The following VTI1A variants were observed in gnomAD, a reference collection of about 807,000 sequenced individuals.
VTI1A encodes vesicle transport through interaction with t-SNAREs homolog 1A.
VTI1A carries 22 observed loss-of-function variants against 34.9 expected under a neutral mutation model. The observed-to-expected ratio is 0.63, with a 90% CI of 0.45 to 0.90. VTI1A has a LOEUF of 0.90. Ranked by LOEUF, VTI1A falls within the 40% of genes least tolerant of loss-of-function variation. The pLI is 0.00. For synonymous variants in VTI1A, 87 were observed against 97.3 expected (o/e 0.89, Z 0.62); for missense variants, 268 against 275.6 (o/e 0.97, Z 0.20).
intron 7 of VTI1A, among the ~76,000 whole-genome samples, chr10:112,697,893 T>C (rs1848853659): frequency 6.6e-6 from 1 of 151,846 alleles, no homozygotes; most frequent in Non-Finnish European, 1.5e-5. Flanking sequence ...TGTGTGTGTG[T>C]GTGTGTGTGT....
chr10:112,464,198 A>G (rs1163238116), intron 2 of VTI1A, among the ~76,000 whole-genome samples: 3 of 152,144 alleles, frequency 2.0e-5, no homozygotes, highest in Non-Finnish European at 4.4e-5. Flanking sequence ...GGGTTTCGCC[A>G]TGTTGCCCAA....
Position 112,700,151 on chromosome 10 carries a change from A to G in VTI1A, c.560+31153A>G, listed in dbSNP as rs1423622520. ...AAAAAAAAAACAAAACAAAAAAAAA[A>G]AAACACTCGGAGGTAAAACATTATC... On this transcript the variant is annotated intron_variant, in intron 7 of 7. Transcript: ENST00000393077. 2.0e-5 allele frequency among the ~76,000 whole-genome samples: 3 copies of G among 150,516 alleles called. No individual in the cohort carries two copies. The East Asian group carries it at 5.8e-4, about 29-fold the overall frequency.
intron 5 of VTI1A, among the ~76,000 whole-genome samples, chr10:112,654,619 A>AG (rs1340294654): frequency 1.3e-5 from 2 of 151,978 alleles, no homozygotes; most frequent in Non-Finnish European, 2.9e-5. Context: ...CAGCCTCCCG[A>AG]GTAGCTGGGA....
intron 7 of VTI1A, among the ~76,000 whole-genome samples, chr10:112,757,081 A>G (rs1014982521): frequency 2.6e-5 from 4 of 151,546 alleles, no homozygotes; most frequent in African/African-American, 9.7e-5. Context: ...TTATGCATTC[A>G]TTCAACAAAT....
At chr10:112,678,497 G>T (rs970202236) in intron 7 of VTI1A, among the ~76,000 whole-genome samples, 2 of 152,158 alleles carry the variant, frequency 1.3e-5, no homozygotes, top group African/African-American at 4.8e-5. Context: ...TTAAGGGAGG[G>T]CTTTGGCCAT....
At chr10:112,463,799 A>G (rs1228673914) in intron 2 of VTI1A, among the ~76,000 whole-genome samples, 2 of 152,234 alleles carry the variant, frequency 1.3e-5, no homozygotes, top group Non-Finnish European at 1.5e-5. Flanking sequence ...AACACCTGCC[A>G]GAATAAATAT....
At chr10:112,836,809 C>T in the VTI1A span, among the ~76,000 whole-genome samples, 1 of 152,190 alleles carries the variant, frequency 6.6e-6, no homozygotes, top group Admixed American at 6.5e-5. Context: ...ATGATCCTGA[C>T]TTTATCTCCT....
At chr10:112,473,640 G>A (rs1848177717) in intron 3 of VTI1A, among the ~76,000 whole-genome samples, 3 of 152,118 alleles carry the variant, frequency 2.0e-5, no homozygotes, top group African/African-American at 4.8e-5. Context: ...CCAAGTGAAA[G>A]GGTATCAACA....
chr10:112,542,808 C>T (rs1272373678), intron 5 of VTI1A, among the ~76,000 whole-genome samples: 3 of 152,100 alleles, frequency 2.0e-5, no homozygotes, highest in African/African-American at 7.2e-5. Flanking sequence ...TAGGATTCTC[C>T]TAATGCTATC....
Position 112,447,257 on chromosome 10 carries a change from T to C in VTI1A, c.-117T>C. ...CTGGGTTGAGAGCTGTCCCCGGTTC[T>C]CCGTTCTGCTCTCGGGGGCACCTTC... On this transcript the variant is annotated 5_prime_UTR_variant, in exon 1 of 8. Coordinates refer to ENST00000393077, the MANE Select transcript of VTI1A (RefSeq NM_145206.4). 1 of 1,098,900 alleles carries C rather than the reference T, an allele frequency of 9.1e-7. No individual in the cohort carries two copies. The highest frequency in any genetic ancestry group is 1.3e-6 in the Non-Finnish European group (1 of 766,660). The allele number at this position is 1,098,900 out of a possible 1,614,324, so 68.1% of individuals were successfully genotyped here.
At chr10:112,680,309 T>G (rs1270401619) in intron 7 of VTI1A, among the ~76,000 whole-genome samples, 2 of 152,208 alleles carry the variant, frequency 1.3e-5, no homozygotes, top group Non-Finnish European at 2.9e-5. Context: ...ATATTATTTT[T>G]TTAAGTTATT....
intron 5 of VTI1A, among the ~76,000 whole-genome samples, chr10:112,588,913 G>C (rs936603189): frequency 6.6e-6 from 1 of 151,708 alleles, no homozygotes. Flanking sequence ...CTCACTTGCA[G>C]AACACAGTTC....
intron 3 of VTI1A, among the ~76,000 whole-genome samples, chr10:112,487,315 G>A (rs1206248775): frequency 6.6e-6 from 1 of 152,090 alleles, no homozygotes; most frequent in African/African-American, 2.4e-5. Flanking sequence ...GTAGAGACAG[G>A]GTTTCACCCC....
chr10:112,757,350 G>GTTT (rs1477348323), intron 7 of VTI1A, among the ~76,000 whole-genome samples: 1 of 66,518 alleles, frequency 1.5e-5, no homozygotes, highest in Non-Finnish European at 3.1e-5. Context: ...TTGTTGCTGT[G>GTTT]ATTTTTTTTT....
chr10:112,578,794 A>C (rs530074664), intron 5 of VTI1A, among the ~76,000 whole-genome samples: 2 of 152,322 alleles, frequency 1.3e-5, no homozygotes, highest in Admixed American at 6.5e-5. Context: ...TAATTACCAT[A>C]TTGCATGATT....
At position 112,765,192 on chromosome 10, in the gene VTI1A, A is replaced by ATGTTTTGTTTTGTTT. The variant is rs72146474; in HGVS notation, c.561-50081_561-50067dup. On this transcript the variant is annotated intron_variant, in intron 7 of 7. Transcript: ENST00000393077. ...CTTGCTTTGTAAATTACTAGTTTGT[A>ATGTTTTGTTTTGTTT]TGTTTTGTTTTGTTTTGTTTTGTTT... 1.7e-3 allele frequency among the ~76,000 whole-genome samples: 255 copies of ATGTTTTGTTTTGTTT among 151,774 alleles called. 1 individual carries two copies. The highest frequency in any genetic ancestry group is 2.5e-3 in the East Asian group (13 of 5,166).
chr10:112,842,050 C>CTTTTTT, the VTI1A span, among the ~76,000 whole-genome samples: 45 of 93,136 alleles, frequency 4.8e-4, 2 homozygotes, highest in Middle Eastern at 0.013. Flanking sequence ...TTTTTTTTTT[C>CTTTTTT]CTTTTTTTTT....
chr10:112,690,183 T>A (rs1848565862), intron 7 of VTI1A, among the ~76,000 whole-genome samples: 1 of 152,242 alleles, frequency 6.6e-6, no homozygotes, highest in African/African-American at 2.4e-5. Flanking sequence ...TGTAAGTTGC[T>A]TCCAGTTTGG....
At chr10:112,608,828 A>G (rs1271461155) in intron 5 of VTI1A, among the ~76,000 whole-genome samples, 5 of 152,094 alleles carry the variant, frequency 3.3e-5, no homozygotes, top group Non-Finnish European at 7.4e-5. Flanking sequence ...CTTGTTTCTT[A>G]TTCTACTCTT....
Sources: gnomAD v4.1 joint callset for allele counts (sites outside exome capture counted in the v4.1 genomes callset) on GRCh38, gnomAD v4.1.1 for gene constraint, MANE v1.5 for transcripts, NCBI Gene and HGNC (gene_info 2026-07-23, HGNC 2026-07-21) for gene names.